The following NFIB variants were observed in gnomAD, a reference collection of about 807,000 sequenced individuals.
The protein encoded by NFIB is nuclear factor 1 B-type.
Under a neutral mutation model 61.5 loss-of-function variants are expected in NFIB, and 11 were observed. The observed-to-expected ratio is 0.18, with a 90% CI of 0.11 to 0.30. The LOEUF is 0.30. NFIB is among the 10% of genes least tolerant of loss of function. NFIB has a pLI of 1.00. For missense variants in NFIB, 471 were observed against 608.9 expected, an observed-to-expected ratio of 0.77 and a Z score of 2.38; for synonymous variants, 260 against 216.5, an observed-to-expected ratio of 1.20 and a Z score of -1.76.
chr9:14,518,965 A>T, the NFIB span, among the ~76,000 whole-genome samples: 1 of 152,146 alleles, frequency 6.6e-6, no homozygotes, highest in African/African-American at 2.4e-5. Context: ...TCCAGGCCCC[A>T]GTTGCCTGGA....
chr9:14,266,271 G>A (rs902276258), intron 2 of NFIB, among the ~76,000 whole-genome samples: 1 of 152,094 alleles, frequency 6.6e-6, no homozygotes. Context: ...TATTGCAGCA[G>A]GGCATGTGAT....
chr9:14,341,275 G>T (rs2060946631), intron 1 of NFIB, among the ~76,000 whole-genome samples: 1 of 152,186 alleles, frequency 6.6e-6, no homozygotes, highest in African/African-American at 2.4e-5. Context: ...TGGTTGTGCA[G>T]GTTGTGGACT....
intron 2 of NFIB, among the ~76,000 whole-genome samples, chr9:14,201,312 C>A (rs1008522243): frequency 2.0e-5 from 3 of 152,142 alleles, no homozygotes; most frequent in Non-Finnish European, 4.4e-5. Flanking sequence ...ATAACCTGGC[C>A]CCAGCCTAGC....
chr9:14,354,778 C>CTGTGTG (rs1491209406), intron 1 of NFIB, among the ~76,000 whole-genome samples: 1 of 126,422 alleles, frequency 7.9e-6, no homozygotes, highest in African/African-American at 3.2e-5. Context: ...GTAATGGGTA[C>CTGTGTG]TCTGTGTGTG....
At chr9:14,381,814 A>C (rs998056489) in intron 1 of NFIB, among the ~76,000 whole-genome samples, 1 of 152,288 alleles carries the variant, frequency 6.6e-6, no homozygotes, top group African/African-American at 2.4e-5. Context: ...GCAGGGTACC[A>C]GAACCGTGCC....
At chr9:14,513,368 G>A in the NFIB span, among the ~76,000 whole-genome samples, 24 of 152,056 alleles carry the variant, frequency 1.6e-4, 1 homozygote, top group Admixed American at 3.3e-4. Flanking sequence ...GGTGGCTCAC[G>A]CCTGTAATCC....
the NFIB span, among the ~76,000 whole-genome samples, chr9:14,489,545 G>A: frequency 1.3e-5 from 2 of 151,992 alleles, no homozygotes; most frequent in Non-Finnish European, 2.9e-5. Context: ...GCATGCAAGT[G>A]TTAAAAAATG....
At chr9:14,406,690 G>A in the NFIB span, among the ~76,000 whole-genome samples, 1 of 152,290 alleles carries the variant, frequency 6.6e-6, no homozygotes, top group East Asian at 1.9e-4. Flanking sequence ...CCAATGAAAT[G>A]TAGACAGAAG....
At chr9:14,156,889 T>A (rs1215304341) in intron 3 of NFIB, among the ~76,000 whole-genome samples, 1 of 152,154 alleles carries the variant, frequency 6.6e-6, no homozygotes. Flanking sequence ...ACTGGCAATT[T>A]GACTGGATTT....
At chr9:14,182,155 C>T (rs190530570) in intron 2 of NFIB, among the ~76,000 whole-genome samples, 30 of 152,268 alleles carry the variant, frequency 2.0e-4, no homozygotes, top group African/African-American at 5.5e-4. Context: ...TGCAGACCAA[C>T]TTCTTCGATT....
the NFIB span, among the ~76,000 whole-genome samples, chr9:14,422,529 A>G: frequency 6.6e-6 from 1 of 152,236 alleles, no homozygotes; most frequent in African/African-American, 2.4e-5. Context: ...ATAAGCATCT[A>G]GCTTAAATTA....
At chr9:14,329,074 C>T (rs2060789014) in intron 1 of NFIB, among the ~76,000 whole-genome samples, 1 of 152,176 alleles carries the variant, frequency 6.6e-6, no homozygotes, top group Admixed American at 6.5e-5. Context: ...CTTCTTGTAT[C>T]ATATTGGCCT....
At chr9:14,294,933 C>T (rs2059332705) in intron 2 of NFIB, among the ~76,000 whole-genome samples, 1 of 152,248 alleles carries the variant, frequency 6.6e-6, no homozygotes, top group Non-Finnish European at 1.5e-5. Context: ...GAAACAAGCA[C>T]CGAAACTAGT....
At chr9:14,285,610 G>A (rs116626694) in intron 2 of NFIB, among the ~76,000 whole-genome samples, 1 of 152,188 alleles carries the variant, frequency 6.6e-6, no homozygotes, top group Admixed American at 6.5e-5. Flanking sequence ...TTCTGACTCT[G>A]TCACTTAACT....
intron 1 of NFIB, among the ~76,000 whole-genome samples, chr9:14,385,481 C>G (rs990609037): frequency 6.6e-6 from 1 of 152,220 alleles, no homozygotes; most frequent in African/African-American, 2.4e-5. Flanking sequence ...TACCTACATA[C>G]AAATATTTTT....
intron 2 of NFIB, among the ~76,000 whole-genome samples, chr9:14,287,414 C>G (rs1163728299): frequency 2.0e-5 from 3 of 150,128 alleles, no homozygotes; most frequent in Non-Finnish European, 3.0e-5. Flanking sequence ...GGGTGACAGA[C>G]CGAGACTCCG....
chr9:14,486,741 A>G, the NFIB span, among the ~76,000 whole-genome samples: 2 of 152,144 alleles, frequency 1.3e-5, no homozygotes, highest in African/African-American at 4.8e-5. Flanking sequence ...TTAAGTGTGT[A>G]TAAGACAGAC....
At chr9:14,123,124 G>C (rs2039150450) in intron 7 of NFIB, among the ~76,000 whole-genome samples, 1 of 151,764 alleles carries the variant, frequency 6.6e-6, no homozygotes, top group South Asian at 2.1e-4. Context: ...GAGCGGGGTG[G>C]TGAGTGCCTG....
intron 2 of NFIB, among the ~76,000 whole-genome samples, chr9:14,216,538 CTCTCCCTCTGTG>C (rs2050928584): frequency 6.5e-5 from 2 of 30,620 alleles, no homozygotes; most frequent in African/African-American, 3.2e-4. Context: ...CTCTCTCTCT[CTCTCCCTCTGTG>C]TGTGTGTGTG....
Sources: gnomAD v4.1 joint callset for allele counts (sites outside exome capture counted in the v4.1 genomes callset) on GRCh38, gnomAD v4.1.1 for gene constraint, MANE v1.5 for transcripts, NCBI Gene and HGNC (gene_info 2026-07-23, HGNC 2026-07-21) for gene names.